Variants in RASGRP2 observed in about 807,000 individuals in gnomAD.
RASGRP2 encodes RAS guanyl-releasing protein 2.
A neutral mutation model predicts 71.0 loss-of-function variants in RASGRP2; 44 were observed. The ratio of observed to expected loss-of-function variants is 0.62; its 90% confidence interval spans 0.49 to 0.80. The LOEUF (loss-of-function observed/expected upper bound fraction) is 0.80. RASGRP2 is among the 30% of genes least tolerant of loss of function. The pLI is 0.00. For missense variants in RASGRP2, 663 were observed against 813.4 expected (o/e 0.82, Z 2.25); for synonymous variants, 350 against 330.7 (o/e 1.06, Z -0.63).
Position 64,727,017 on chromosome 11 carries a change from T to C in RASGRP2, c.*121A>G. 1 of 443,700 alleles carries C rather than the reference T, an allele frequency of 2.3e-6. No homozygotes were observed. Among genetic ancestry groups the C allele is most frequent in the East Asian group, 4.6e-5 (1 of 21,556 alleles). The allele number at this position is 443,700 out of a possible 1,614,324, so 27.5% of individuals were successfully genotyped here. ...AGCCCTGGCCCTGCCCTCAGCTGCA[T>C]GCCACCCTCATATCCCACCCCCATC... On this transcript the variant is annotated 3_prime_UTR_variant, in exon 17 of 17. Transcript: ENST00000394432.
chr11:64,740,783 C>T, intron 5 of RASGRP2, 165 bp downstream of exon 5: 1 of 895,318 alleles, frequency 1.1e-6, no homozygotes, highest in East Asian at 2.6e-5. Flanking sequence ...GCAGGAACGC[C>T]AAGCTGCCCA....
At position 64,743,316 on chromosome 11, in the gene RASGRP2, A is replaced by G. The variant is rs1283832638; in HGVS notation, c.-71-379T>C. On this transcript the variant is annotated intron_variant, in intron 1 of 16. Transcript: ENST00000394432. The surrounding 1 kb of genome is among the most constrained non-coding windows in gnomAD (Gnocchi z 4.9). Reference sequence around the variant, plus strand: ...GCGCCCCTCCCGCTTCCCTCCCTCCACAGCCTCCCTTCCCCCGCAGGGTTA... The same window carrying G: ...GCGCCCCTCCCGCTTCCCTCCCTCCGCAGCCTCCCTTCCCCCGCAGGGTTA... The G allele has an allele frequency of 2.2e-6, 1 of 450,786 alleles. No homozygotes were observed. Among genetic ancestry groups the G allele is most frequent in the South Asian group, 1.6e-5 (1 of 63,610 alleles). 27.9% of individuals were successfully genotyped at this position (450,786 alleles called of 1,614,324 possible). A position where few individuals can be genotyped will look rare whatever the true frequency, so the allele number is the denominator to read the frequency against.
Position 64,743,860 on chromosome 11 carries a change from G to T in RASGRP2, c.-72+143C>A. 2.3e-6 allele frequency: 1 copy of T among 427,048 alleles called. No individual in the cohort carries two copies. Among genetic ancestry groups the T allele is most frequent in the Non-Finnish European group, 3.3e-6 (1 of 302,090 alleles). 26.5% of individuals were successfully genotyped at this position (427,048 alleles called of 1,614,324 possible). A position where few individuals can be genotyped will look rare whatever the true frequency, so the allele number is the denominator to read the frequency against. ...TCCACACCCAAGTTATTCGTCGGAG[G>T]CCGGGGACCTAAGTGGAGGTGCAGG... On this transcript the variant is annotated intron_variant, in intron 1 of 16. Coordinates refer to ENST00000394432, the MANE Select transcript of RASGRP2 (RefSeq NM_001098671.2). The surrounding 1 kb of genome is among the most constrained non-coding windows in gnomAD (Gnocchi z 4.9).
In RASGRP2 at chr11:64,742,420, C is replaced by T. The variant is rs1340706157; in HGVS notation, c.74-308G>A. The T allele has an allele frequency of 3.5e-6, 2 of 564,472 alleles. No individual in the cohort carries two copies. Among genetic ancestry groups the T allele is most frequent in the African/African-American group, 1.9e-5 (1 of 53,126 alleles). The allele number at this position is 564,472 out of a possible 1,614,324, so 35.0% of individuals were successfully genotyped here. On this transcript the variant is annotated intron_variant, in intron 2 of 16. Coordinates refer to ENST00000394432, the MANE Select transcript of RASGRP2 (RefSeq NM_001098671.2). The surrounding 1 kb of genome is among the most constrained non-coding windows in gnomAD (Gnocchi z 4.7). Reference sequence around the variant, plus strand: ...AAGAATCCAGAGGTCATTTCCTGAGCGCTTGGGGGGAAGGGGCACCCCTTC... The same window carrying T: ...AAGAATCCAGAGGTCATTTCCTGAGTGCTTGGGGGGAAGGGGCACCCCTTC...
Position 64,739,329 on chromosome 11 carries a change from G to A in RASGRP2, c.813+31C>T. 6 of 1,559,818 alleles carry A rather than the reference G, an allele frequency of 3.8e-6. No individual in the cohort carries two copies. The highest frequency in any genetic ancestry group is 4.4e-6 in the Non-Finnish European group (5 of 1,130,596). ...GAGGACCCAGTGAAGACAGACCTGG[G>A]AAGCACCGGCCCCTCCCCAGTCCCA... On this transcript the variant is annotated intron_variant, in intron 8 of 16. Transcript: ENST00000394432. This position sits in a 1 kb window ranked among gnomAD's most constrained non-coding sequence, Gnocchi z 4.2.
At chr11:64,744,905 C>T (rs1015237660), upstream of RASGRP2, 1 of 146,748 alleles carries the variant, frequency 6.8e-6, no homozygotes, top group South Asian at 1.9e-4. Context: ...GCCCCCTCCC[C>T]CCTCCGCCCC....
In RASGRP2 at chr11:64,737,177, C is replaced by A. The variant is rs888077917; in HGVS notation, c.814-143G>T. On this transcript the variant is annotated intron_variant, in intron 8 of 16. Coordinates refer to ENST00000394432, the MANE Select transcript of RASGRP2 (RefSeq NM_001098671.2). ...CTCCCTTACTGTCCCCCACGACTGG[C>A]TCTCTCAGCCCCTGGGGATTGAATT... The A allele has an allele frequency of 7.4e-6, 7 of 949,548 alleles. No homozygotes were observed. The African/African-American group carries it at 9.8e-5, about 13-fold the overall frequency. 58.8% of individuals were successfully genotyped at this position (949,548 alleles called of 1,614,324 possible).
chr11:64,736,054 T>G, intron 9 of RASGRP2, 74 bp from the exon 10 acceptor site: 171 of 1,196,374 alleles, frequency 1.4e-4, no homozygotes, highest in Non-Finnish European at 1.8e-4. Context: ...AAGGTCGACC[T>G]AGAGGCCACA....
chr11:64,741,154 A>G, intron 4 of RASGRP2, 75 bp from the exon 5 acceptor site: 1 of 1,560,462 alleles, frequency 6.4e-7, no homozygotes, highest in African/African-American at 1.4e-5. Flanking sequence ...GCTATTTGAG[A>G]TTATAGTCAC....
intron 5 of RASGRP2, 87 bp from the exon 6 acceptor site, chr11:64,740,250 C>T: frequency 6.5e-7 from 1 of 1,549,712 alleles, no homozygotes; most frequent in Non-Finnish European, 8.9e-7. Context: ...TTCACGCTTA[C>T]TGAGAACCTA....
At position 64,742,696 on chromosome 11, in the gene RASGRP2, G is replaced by T; in HGVS notation, c.73+98C>A. 1.3e-6 allele frequency: 2 copies of T among 1,496,370 alleles called. No homozygotes were observed. Among genetic ancestry groups the T allele is most frequent in the South Asian group, 1.2e-5 (1 of 83,046 alleles). The allele number at this position is 1,496,370 out of a possible 1,614,324, so 92.7% of individuals were successfully genotyped here. A position where few individuals can be genotyped will look rare whatever the true frequency, so the allele number is the denominator to read the frequency against. On this transcript the variant is annotated intron_variant, in intron 2 of 16. Transcript: ENST00000394432. The surrounding 1 kb of genome is among the most constrained non-coding windows in gnomAD (Gnocchi z 4.7). ...GCACGCTGCGGAGCAGGGTGGGTCC[G>T]GGTCAGGGCTGTGCCCTGGACTGTG...
In RASGRP2 at chr11:64,744,033, C is replaced by CG; in HGVS notation, c.-103dup. On this transcript the variant is annotated 5_prime_UTR_variant, in exon 1 of 17. Coordinates refer to ENST00000394432, the MANE Select transcript of RASGRP2 (RefSeq NM_001098671.2). ...TCGTCCACCCCAGAATGCAAACCCG[C>CG]GGACGAGGTCGCCTCCTGGACGTGC... 1.2e-4 allele frequency: 114 copies of CG among 988,022 alleles called. No individual in the cohort carries two copies. The highest frequency in any genetic ancestry group is 1.3e-4 in the Non-Finnish European group (112 of 830,894). The allele number at this position is 988,022 out of a possible 1,614,324, so 61.2% of individuals were successfully genotyped here.
rs774996406 is a variant in RASGRP2, at chr11:64,730,127, G to GC, written c.1479dup (p.Arg494AlafsTer54). 3.8e-5 allele frequency: 59 copies of GC among 1,550,728 alleles called. No individual in the cohort carries two copies. The highest frequency in any genetic ancestry group is 2.4e-5 in the East Asian group (1 of 40,926). On this transcript the variant is annotated frameshift_variant, in exon 13 of 17. Coordinates refer to ENST00000394432, the MANE Select transcript of RASGRP2 (RefSeq NM_001098671.2). LOFTEE classifies it high-confidence loss of function. The stretch of plus-strand genomic sequence containing the variant: ...TGGAAGTTGTGTACGAAGCCCATGC[G>GC]CCCCCCCAACACAGAGCTGGAGCGC...
At chr11:64,741,399 G>A in intron 4 of RASGRP2, 40 bp downstream of exon 4, 2 of 1,497,584 alleles carry the variant, frequency 1.3e-6, no homozygotes, top group Non-Finnish European at 1.8e-6. Flanking sequence ...AGAGAGAAGG[G>A]AGAAAGGGGA....
chr11:64,745,199 G>A (rs954075643), upstream of RASGRP2: 1 of 151,836 alleles, frequency 6.6e-6, no homozygotes, highest in African/African-American at 2.4e-5. Context: ...AAGCCGGGAG[G>A]GGCAGGAAGC....
intron 3 of RASGRP2, 56 bp from the exon 4 acceptor site, chr11:64,741,557 G>C: frequency 7.0e-7 from 1 of 1,435,464 alleles, no homozygotes; most frequent in Non-Finnish European, 9.6e-7. Flanking sequence ...CCTGCGTGGA[G>C]GGAGGCTGGG....
rs531921028 is a variant in RASGRP2, at chr11:64,736,188, C to G, written c.1096-208G>C. 1.1e-3 allele frequency among the ~76,000 whole-genome samples: 173 copies of G among 152,310 alleles called. 4 individuals carry two copies. The South Asian group carries it at 0.033, about 29-fold the overall frequency. On this transcript the variant is annotated intron_variant, in intron 9 of 16. Transcript: ENST00000394432. Reference sequence around the variant, plus strand: ...CCACAGCATGGCCCCAAACCTTGAACACAACATATTGCCAAGATGTCAGGG... The same window carrying G: ...CCACAGCATGGCCCCAAACCTTGAAGACAACATATTGCCAAGATGTCAGGG...
At position 64,730,092 on chromosome 11, in the gene RASGRP2, G is replaced by A. The variant is rs1565499915; in HGVS notation, c.1515C>T (p.Asn505=). The A allele has an allele frequency of 6.4e-7, 1 of 1,550,580 alleles. No homozygotes were observed. The change falls in exon 13 of 17, where the codon AAC becomes AAT. Residue 505 remains asparagine (N), a synonymous_variant. Coordinates refer to ENST00000394432, the MANE Select transcript of RASGRP2 (RefSeq NM_001098671.2). The stretch of plus-strand genomic sequence containing the variant: ...GGCGGCAGGCGACGGGGCGCAAGGA[G>A]TTGCTCTCCTGGAAGTTGTGTACGA... ...MGFVHNFQES[N]SLRPVACRHC...
chr11:64,741,344 C>T, intron 4 of RASGRP2, 95 bp downstream of exon 4: 1 of 1,371,572 alleles, frequency 7.3e-7, no homozygotes, highest in African/African-American at 1.4e-5. Flanking sequence ...CAAACCCACT[C>T]CCAGAAACAG....
Sources: allele counts gnomAD v4.1 joint callset (sites outside exome capture counted in the v4.1 genomes callset), GRCh38; gene constraint gnomAD v4.1.1; non-coding constraint Gnocchi (gnomAD v3.1); transcripts MANE v1.5; gene names NCBI Gene and HGNC (gene_info 2026-07-23, HGNC 2026-07-21).